The following NUP210 variants were observed in gnomAD, a reference collection of about 807,000 sequenced individuals.
NUP210 encodes the protein nuclear pore membrane glycoprotein 210.
Under a neutral mutation model 196.0 loss-of-function variants are expected in NUP210, and 151 were observed. That is an observed-to-expected ratio of 0.77 (90% CI 0.67 to 0.88). The LOEUF (loss-of-function observed/expected upper bound fraction) is 0.88, where lower values mean the gene tolerates loss of function less well. NUP210 is among the 40% of genes least tolerant of loss of function. The pLI, the probability that NUP210 is intolerant of heterozygous loss-of-function variation, is 0.00. For missense variants in NUP210, 2,314 were observed against 2,493.7 expected (o/e 0.93, Z 1.53); for synonymous variants, 1,070 against 1,052.7 (o/e 1.02, Z -0.32).
At position 13,350,849 on chromosome 3, in the gene NUP210, C is replaced by G. The variant is rs958142852; in HGVS notation, c.2835+1030G>C. Among the ~76,000 whole-genome samples the G allele has an allele frequency of 6.6e-6, 1 of 151,858 alleles. No individual in the cohort carries two copies. On this transcript the variant is annotated intron_variant, in intron 20 of 39. Coordinates refer to ENST00000254508, the MANE Select transcript of NUP210 (RefSeq NM_024923.4). This position sits in a 1 kb window ranked among gnomAD's most constrained non-coding sequence, Gnocchi z 4.1. Reference sequence around the variant, plus strand: ...CTGGGAATACAGGCGCCCGCCACTACGCCTGGCTAATTTTTTTTTTTTGTA... The same window carrying G: ...CTGGGAATACAGGCGCCCGCCACTAGGCCTGGCTAATTTTTTTTTTTTGTA...
intron 1 of NUP210, among the ~76,000 whole-genome samples, chr3:13,415,377 G>A (rs1700313920): frequency 6.6e-6 from 1 of 152,190 alleles, no homozygotes; most frequent in African/African-American, 2.4e-5. Context: ...GGCCCTGCGG[G>A]AGCTCTGGTT....
intron 20 of NUP210, among the ~76,000 whole-genome samples, chr3:13,344,041 T>C (rs1291956983): frequency 6.6e-6 from 1 of 152,148 alleles, no homozygotes; most frequent in African/African-American, 2.4e-5. Context: ...CCTTTTAACA[T>C]TTGTTTATTT....
intron 2 of NUP210, among the ~76,000 whole-genome samples, chr3:13,398,260 T>A (rs903934441): frequency 6.6e-6 from 1 of 152,068 alleles, no homozygotes; most frequent in African/African-American, 2.4e-5. Flanking sequence ...GCCAACATGA[T>A]GAAACCCCAT....
intron 1 of NUP210, among the ~76,000 whole-genome samples, chr3:13,416,275 A>T (rs1559353470): frequency 1.4e-5 from 2 of 139,750 alleles, no homozygotes; most frequent in Non-Finnish European, 1.5e-5. Context: ...ACAGCTTGGT[A>T]TGGCAGTCAC....
chr3:13,399,753 G>A lies in NUP210; in HGVS notation c.276C>T (p.Leu92=). ...VQARLTQPAR[L]TSIIFAEDIT... ...TGTCCTCTGCGAAGATGATGCTGGT[G>A]AGGCGGGCAGGCTGGGTCAGGCGGG... Residue 92 remains leucine, a synonymous_variant, in exon 2 of 40, where the codon CTC becomes CTT. Coordinates refer to ENST00000254508, the MANE Select transcript of NUP210 (RefSeq NM_024923.4). 7 of 1,614,160 alleles carry A rather than the reference G, an allele frequency of 4.3e-6. No individual in the cohort carries two copies. In the South Asian group the frequency reaches 5.5e-5, roughly 13 times the overall value.
Position 13,388,365 on chromosome 3 carries a change from C to T in NUP210, c.622G>A (p.Val208Met), listed in dbSNP as rs1281026972. 6.2e-7 allele frequency: 1 copy of T among 1,613,000 alleles called. No individual in the cohort carries two copies. The highest frequency in any genetic ancestry group is 8.5e-7 in the Non-Finnish European group (1 of 1,179,592). ...GAGCTCCCGGTCTTCATCCCAGACACCAGGATGGTGTCCCCTTGCTTGGCA... is the reference window on the plus strand; with the variant it reads ...GAGCTCCCGGTCTTCATCCCAGACATCAGGATGGTGTCCCCTTGCTTGGCA... ...KAAKQGDTILVSGMKTGSSKL... is the reference protein window; with the variant it reads ...KAAKQGDTILMSGMKTGSSKL... The change falls in exon 5 of 40, where the codon GTG (valine) becomes ATG (methionine). Residue 208 changes from valine (V) to methionine (M), a missense_variant. Physicochemically the swap from Val to Met is conservative, Grantham distance 21. Coordinates refer to ENST00000254508, the MANE Select transcript of NUP210 (RefSeq NM_024923.4).
intron 1 of NUP210, among the ~76,000 whole-genome samples, chr3:13,418,725 T>G (rs1700428803): frequency 6.6e-6 from 1 of 151,466 alleles, no homozygotes; most frequent in African/African-American, 2.4e-5. Flanking sequence ...GAGGCGGAAG[T>G]TGCAGTGGAC....
At chr3:13,376,211 G>A (rs1698897736) in intron 10 of NUP210, 80 bp downstream of exon 10, 2 of 1,486,266 alleles carry the variant, frequency 1.3e-6, no homozygotes, top group Non-Finnish European at 1.9e-6. Context: ...TGGGACTCAT[G>A]GCCCTCCTGG....
intron 5 of NUP210, 144 bp from the exon 6 acceptor site, chr3:13,386,551 T>A: frequency 9.0e-7 from 1 of 1,108,386 alleles, no homozygotes; most frequent in Non-Finnish European, 1.3e-6. Context: ...AAATCCTCAC[T>A]TTCAGAACCC....
chr3:13,360,623 A>G, intron 14 of NUP210, 132 bp from the exon 15 acceptor site: 1 of 641,908 alleles, frequency 1.6e-6, no homozygotes, highest in Non-Finnish European at 2.7e-6. Context: ...CCTGTTTGAA[A>G]CTCATTCTCG....
chr3:13,327,311 G>A lies in NUP210; in HGVS notation c.4413C>T (p.Pro1471=), dbSNP rs761611777. The stretch of plus-strand genomic sequence containing the variant: ...GGGAGATGGCCTGTAGGACAGGCAG[G>A]GGCATGAAGTCCGAGAGGCCCGGGT... ...AEHPGLSDFM[P]LPVLQAISPE... is the part of the protein sequence containing the mutation. Residue 1471 remains proline, a synonymous_variant, in exon 32 of 40, where the codon CCC becomes CCT. Coordinates refer to ENST00000254508, the MANE Select transcript of NUP210 (RefSeq NM_024923.4). The A allele has an allele frequency of 1.9e-5, 30 of 1,613,348 alleles. No homozygotes were observed. The highest frequency in any genetic ancestry group is 2.5e-5 in the Non-Finnish European group (29 of 1,180,022).
chr3:13,411,678 G>T (rs186566813), intron 1 of NUP210, among the ~76,000 whole-genome samples: 1 of 152,176 alleles, frequency 6.6e-6, no homozygotes, highest in Admixed American at 6.6e-5. Flanking sequence ...CCACCATCAG[G>T]CTCCTCTTGG....
At chr3:13,374,879 C>T (rs568967886) in intron 11 of NUP210, among the ~76,000 whole-genome samples, 11 of 152,338 alleles carry the variant, frequency 7.2e-5, no homozygotes, top group Admixed American at 3.3e-4. Flanking sequence ...CATGGGACAG[C>T]AGGACTGATG....
At chr3:13,395,776 G>A (rs993712562) in intron 3 of NUP210, among the ~76,000 whole-genome samples, 3 of 152,114 alleles carry the variant, frequency 2.0e-5, no homozygotes, top group African/African-American at 7.2e-5. Flanking sequence ...TGTGTTTTCT[G>A]GTCTCTTGGG....
At position 13,321,703 on chromosome 3, in the gene NUP210, GC is replaced by G. The variant is rs1194173077; in HGVS notation, c.5047del (p.Ala1683ProfsTer18). 1.2e-6 allele frequency: 2 copies of G among 1,614,144 alleles called. No homozygotes were observed. The highest frequency in any genetic ancestry group is 2.2e-5 in the South Asian group (2 of 91,084). On this transcript the variant is annotated frameshift_variant, in exon 36 of 40. Coordinates refer to ENST00000254508, the MANE Select transcript of NUP210 (RefSeq NM_024923.4). LOFTEE classifies it high-confidence loss of function. ...SSHFSTEQVG[A>X]EVPFSPGLFA... is the part of the protein sequence containing the mutation. ...GAGACCTGGGCTGAAGGGCACCTCGGCCCCCACCTGCTCTGTGGAGAAGTGG... is the reference window on the plus strand; with the variant it reads ...GAGACCTGGGCTGAAGGGCACCTCGGCCCCACCTGCTCTGTGGAGAAGTGG...
intron 1 of NUP210, among the ~76,000 whole-genome samples, chr3:13,409,298 G>A (rs1401259757): frequency 6.6e-6 from 1 of 152,220 alleles, no homozygotes; most frequent in African/African-American, 2.4e-5. Flanking sequence ...GTTAACAGGT[G>A]GGGCTTTTGG....
chr3:13,376,813 C>G (rs1048788665), intron 9 of NUP210, among the ~76,000 whole-genome samples: 19 of 152,218 alleles, frequency 1.2e-4, no homozygotes, highest in African/African-American at 4.6e-4. Context: ...TGTTTGATAA[C>G]ATGAGCAAAG....
At chr3:13,356,739 G>A (rs1698184100) in intron 16 of NUP210, among the ~76,000 whole-genome samples, 1 of 152,226 alleles carries the variant, frequency 6.6e-6, no homozygotes, top group African/African-American at 2.4e-5. Flanking sequence ...AGCACTGATG[G>A]ATCACACAGC....
intron 16 of NUP210, among the ~76,000 whole-genome samples, 161 bp downstream of exon 16, chr3:13,358,060 CA>C: frequency 1.3e-5 from 2 of 152,320 alleles, no homozygotes; most frequent in Middle Eastern, 6.8e-3. Flanking sequence ...ATATAAAACA[CA>C]AATGAAACCA....
Sources: allele counts gnomAD v4.1 joint callset (sites outside exome capture counted in the v4.1 genomes callset), GRCh38; gene constraint gnomAD v4.1.1; non-coding constraint Gnocchi (gnomAD v3.1); transcripts MANE v1.5; gene names NCBI Gene and HGNC (gene_info 2026-07-23, HGNC 2026-07-21).